IL10RB: variants seen among roughly 807,000 people sequenced by gnomAD.
The protein encoded by IL10RB is interleukin 10 receptor subunit beta, also known as interleukin-10 receptor subunit beta.
Under a neutral mutation model 38.7 loss-of-function variants are expected in IL10RB, and 30 were observed. The ratio of observed to expected loss-of-function variants is 0.78; its 90% CI spans 0.58 to 1.05. The LOEUF is 1.05. Ranked by LOEUF, IL10RB falls within the 50% of genes least tolerant of loss-of-function variation. The pLI is 0.00. For missense variants in IL10RB, 328 were observed against 397.1 expected (o/e 0.83, Z 1.48); for synonymous variants, 142 against 145.9 (o/e 0.97, Z 0.19).
chr21:33,266,576 C>A, intron 1 of IL10RB, 62 bp downstream of exon 1: 1 of 1,486,972 alleles, frequency 6.7e-7, no homozygotes, highest in Non-Finnish European at 9.1e-7. Context: ...GATGCCGCCC[C>A]TGATCCCATC....
At chr21:33,286,142 T>C (rs8178514) in intron 5 of IL10RB, among the ~76,000 whole-genome samples, 2,912 of 152,226 alleles carry the variant, frequency 0.019, 86 homozygotes, top group African/African-American at 0.063. Flanking sequence ...GCTTCCCTCA[T>C]ACAGATGCCA....
chr21:33,274,147 A>G (rs1174073700), intron 2 of IL10RB, among the ~76,000 whole-genome samples: 2 of 152,190 alleles, frequency 1.3e-5, no homozygotes, highest in South Asian at 2.1e-4. Flanking sequence ...TATGGCAGCT[A>G]TAACTTTACA....
intron 2 of IL10RB, among the ~76,000 whole-genome samples, chr21:33,269,219 G>T (rs1425039321): frequency 6.6e-6 from 1 of 152,216 alleles, no homozygotes; most frequent in African/African-American, 2.4e-5. Context: ...TACCTCTCCT[G>T]CCTGTCAGTG....
intron 5 of IL10RB, among the ~76,000 whole-genome samples, chr21:33,287,210 G>T (rs1402720916): frequency 6.6e-6 from 1 of 152,208 alleles, no homozygotes; most frequent in Admixed American, 6.5e-5. Context: ...TCAAGGCCTC[G>T]CATCAGGGGC....
chr21:33,278,046 C>CA (rs58709699), intron 3 of IL10RB, among the ~76,000 whole-genome samples: 13,598 of 118,662 alleles, frequency 0.11, 1,110 homozygotes, highest in East Asian at 0.41. Context: ...AAAAAAATAC[C>CA]AAAAAAAAAA....
At position 33,271,105 on chromosome 21, in the gene IL10RB, G is replaced by A. The variant is rs142572981; in HGVS notation, c.173+2588G>A. On this transcript the variant is annotated intron_variant, in intron 2 of 6. Coordinates refer to ENST00000290200, the MANE Select transcript of IL10RB (RefSeq NM_000628.5). Reference sequence around the variant, plus strand: ...CACACCTGGGTTCCAGGTCTCCCCCGCGTGGAACTACAGAGTGAGTATGGC... The same window carrying A: ...CACACCTGGGTTCCAGGTCTCCCCCACGTGGAACTACAGAGTGAGTATGGC... Among the ~76,000 whole-genome samples, 628 of 152,282 alleles carry A rather than the reference G, an allele frequency of 4.1e-3. 6 individuals are homozygous for A. The highest frequency in any genetic ancestry group is 0.014 in the African/African-American group (575 of 41,540).
At chr21:33,276,064 A>G (rs778160598) in intron 2 of IL10RB, among the ~76,000 whole-genome samples, 1 of 152,276 alleles carries the variant, frequency 6.6e-6, no homozygotes, top group Non-Finnish European at 1.5e-5. Context: ...GACTTGCTCA[A>G]TGCAGGGTTG....
At chr21:33,297,430 T>TAA (rs547883241), downstream of IL10RB, among the ~76,000 whole-genome samples, 7,824 of 142,186 alleles carry the variant, frequency 0.055, 725 homozygotes, top group African/African-American at 0.19. Flanking sequence ...GATCCGTTAT[T>TAA]AAAAAAAAAA....
intron 2 of IL10RB, among the ~76,000 whole-genome samples, chr21:33,270,502 T>C (rs920581221): frequency 6.4e-4 from 97 of 151,752 alleles, no homozygotes; most frequent in African/African-American, 2.2e-3. Context: ...TGCCTCAGCC[T>C]CCCGAGTAGC....
At chr21:33,300,287 A>G (rs1355464166), downstream of IL10RB, among the ~76,000 whole-genome samples, 8 of 152,176 alleles carry the variant, frequency 5.3e-5, no homozygotes, top group African/African-American at 1.9e-4. Flanking sequence ...TAAAAATACA[A>G]AAAATTAGCC....
chr21:33,269,364 G>A (rs1015230652), intron 2 of IL10RB, among the ~76,000 whole-genome samples: 4 of 152,226 alleles, frequency 2.6e-5, no homozygotes, highest in Admixed American at 1.3e-4. Flanking sequence ...AGGCTGACAA[G>A]CCAACACACC....
chr21:33,281,188 C>T (rs1270458780), intron 4 of IL10RB, among the ~76,000 whole-genome samples: 1 of 152,218 alleles, frequency 6.6e-6, no homozygotes, highest in Non-Finnish European at 1.5e-5. Context: ...TGAAAACCTC[C>T]ACCTCTGAGT....
chr21:33,292,599 G>C (rs8178549), intron 6 of IL10RB, among the ~76,000 whole-genome samples: 2 of 152,084 alleles, frequency 1.3e-5, no homozygotes, highest in Non-Finnish European at 2.9e-5. Flanking sequence ...CGCGTCCCTC[G>C]TCAGAAGCTC....
chr21:33,268,567 G>C (rs1382744525), intron 2 of IL10RB, 50 bp downstream of exon 2: 1 of 1,350,454 alleles, frequency 7.4e-7, no homozygotes, highest in East Asian at 2.3e-5. Flanking sequence ...AGCCAGCCCT[G>C]GGCTGGTCAC....
intron 6 of IL10RB, among the ~76,000 whole-genome samples, chr21:33,289,721 A>G (rs1303495251): frequency 1.3e-5 from 2 of 152,092 alleles, no homozygotes; most frequent in African/African-American, 2.4e-5. Context: ...CTTAAAGTTT[A>G]TCGGGCCTTG....
intron 1 of IL10RB, among the ~76,000 whole-genome samples, chr21:33,307,509 C>T (rs1234357807): frequency 6.6e-6 from 1 of 152,154 alleles, no homozygotes; most frequent in African/African-American, 2.4e-5. Context: ...AATAAACCAC[C>T]CTTTACCGAC....
At chr21:33,269,990 C>G (rs1014447567) in intron 2 of IL10RB, among the ~76,000 whole-genome samples, 3 of 152,116 alleles carry the variant, frequency 2.0e-5, no homozygotes, top group Non-Finnish European at 1.5e-5. Flanking sequence ...TGGTCACATT[C>G]TCTCCCTTCC....
intron 1 of IL10RB, among the ~76,000 whole-genome samples, chr21:33,302,555 A>G (rs1427089957): frequency 6.6e-6 from 1 of 152,144 alleles, no homozygotes; most frequent in African/African-American, 2.4e-5. Flanking sequence ...TTTCCAGGGA[A>G]CCCAGCCTAA....
chr21:33,276,879 T>C, intron 3 of IL10RB, 126 bp downstream of exon 3: 1 of 736,044 alleles, frequency 1.4e-6, no homozygotes, highest in Non-Finnish European at 2.4e-6. Flanking sequence ...ACAAGGAGCT[T>C]AAGGAATATA....
Sources: gnomAD v4.1 joint callset for allele counts (sites outside exome capture counted in the v4.1 genomes callset) on GRCh38, gnomAD v4.1.1 for gene constraint, MANE v1.5 for transcripts, NCBI Gene and HGNC (gene_info 2026-07-23, HGNC 2026-07-21) for gene names.